SIM1: variants seen among roughly 807,000 people sequenced by gnomAD.
The protein encoded by SIM1 is SIM bHLH transcription factor 1, also known as single-minded homolog 1.
SIM1 carries 18 observed loss-of-function variants against 78.2 expected under a neutral mutation model. The ratio of observed to expected loss-of-function variants is 0.23; its 90% CI spans 0.16 to 0.34. The LOEUF (loss-of-function observed/expected upper bound fraction) is 0.34, where lower values mean the gene tolerates loss of function less well. Ranked by LOEUF, SIM1 falls within the 10% of genes least tolerant of loss-of-function variation. SIM1 has a pLI of 1.00. For synonymous variants in SIM1, 417 were observed against 385.2 expected, an observed-to-expected ratio of 1.08 and a Z score of -0.97; for missense variants, 939 against 975.1, an observed-to-expected ratio of 0.96 and a Z score of 0.49.
intron 10 of SIM1, among the ~76,000 whole-genome samples, chr6:100,404,328 T>C (rs1399265172): frequency 6.6e-6 from 1 of 152,246 alleles, no homozygotes; most frequent in African/African-American, 2.4e-5. Context: ...TATCTATTTT[T>C]ATTCTGGCAG....
intron 10 of SIM1, among the ~76,000 whole-genome samples, chr6:100,412,729 A>AAGAAAG (rs1562240119): frequency 7.1e-6 from 1 of 141,038 alleles, no homozygotes; most frequent in African/African-American, 2.8e-5. Flanking sequence ...GAAAGAAAGA[A>AAGAAAG]AGAAAGAAAG....
chr6:100,458,112 A>G (rs2114554938), intron 2 of SIM1, among the ~76,000 whole-genome samples: 1 of 149,378 alleles, frequency 6.7e-6, no homozygotes, highest in Admixed American at 6.7e-5. Flanking sequence ...GGCTTCCCGT[A>G]GGGATAGAGC....
chr6:100,422,110 TA>T (rs1413395462), intron 9 of SIM1, among the ~76,000 whole-genome samples: 1 of 152,222 alleles, frequency 6.6e-6, no homozygotes, highest in Admixed American at 6.5e-5. Context: ...TTATTTTTCT[TA>T]TTTTTCACTT....
intron 10 of SIM1, among the ~76,000 whole-genome samples, chr6:100,418,967 G>A (rs1200280493): frequency 6.6e-6 from 1 of 152,124 alleles, no homozygotes; most frequent in Non-Finnish European, 1.5e-5. Flanking sequence ...GGGAGTTCAA[G>A]ACCAGCCTGG....
At chr6:100,412,681 G>GAAA (rs1160981902) in intron 10 of SIM1, among the ~76,000 whole-genome samples, 2 of 72,320 alleles carry the variant, frequency 2.8e-5, no homozygotes, top group African/African-American at 5.3e-5. Context: ...GAGAAAGAAA[G>GAAA]AAAAAGAAAG....
chr6:100,391,156 C>A (rs1770629308), intron 11 of SIM1, 65 bp from the exon 12 acceptor site: 1 of 1,473,924 alleles, frequency 6.8e-7, no homozygotes, highest in African/African-American at 1.4e-5. Flanking sequence ...AGTATATTTC[C>A]TTTACCTATT....
intron 9 of SIM1, among the ~76,000 whole-genome samples, chr6:100,422,580 C>T (rs1249038432): frequency 6.6e-6 from 1 of 152,136 alleles, no homozygotes; most frequent in Non-Finnish European, 1.5e-5. Context: ...ATTCATTTAT[C>T]TTCTTTTCTT....
chr6:100,386,610 C>T lies in SIM1; in HGVS notation c.*3751G>A, dbSNP rs1289177826. On this transcript the variant is annotated 3_prime_UTR_variant, in exon 12 of 12. Transcript: ENST00000369208. The stretch of plus-strand genomic sequence containing the variant: ...GAAATAAAAATTGGAGCACACTACC[C>T]TTTTCTAGAAGATCCCCTAAAGCTT... The T allele has an allele frequency of 6.6e-6, 1 of 151,982 alleles. No homozygotes were observed. The highest frequency in any genetic ancestry group is 6.6e-5 in the Admixed American group (1 of 15,232). The allele number at this position is 151,982 out of a possible 1,614,324, so 9.4% of individuals were successfully genotyped here.
intron 10 of SIM1, among the ~76,000 whole-genome samples, chr6:100,416,708 G>A (rs1482298545): frequency 1.3e-5 from 2 of 152,118 alleles, no homozygotes; most frequent in Admixed American, 6.5e-5. Flanking sequence ...TGATATGTGT[G>A]TCAATAACTA....
At chr6:100,418,769 T>A (rs57185278) in intron 10 of SIM1, among the ~76,000 whole-genome samples, 1,849 of 152,298 alleles carry the variant, frequency 0.012, 31 homozygotes, top group African/African-American at 0.041. Context: ...GAACTACCCA[T>A]AGCCATAATC....
chr6:100,441,716 T>A (rs1269215583), intron 9 of SIM1, among the ~76,000 whole-genome samples: 1 of 152,140 alleles, frequency 6.6e-6, no homozygotes, highest in Non-Finnish European at 1.5e-5. Context: ...GGGGAAAAAA[T>A]GAGACATTCT....
intron 2 of SIM1, among the ~76,000 whole-genome samples, chr6:100,454,388 C>G (rs569299143): frequency 6.6e-6 from 1 of 152,126 alleles, no homozygotes; most frequent in Non-Finnish European, 1.5e-5. Flanking sequence ...TAATCGCCTT[C>G]GGAAAAATTA....
At chr6:100,423,366 C>T (rs1428709416) in intron 9 of SIM1, among the ~76,000 whole-genome samples, 2 of 152,166 alleles carry the variant, frequency 1.3e-5, no homozygotes, top group African/African-American at 4.8e-5. Flanking sequence ...TACATATTTA[C>T]TGAGTGTCTC....
chr6:100,411,438 A>G (rs551021739), intron 10 of SIM1, among the ~76,000 whole-genome samples: 1 of 152,274 alleles, frequency 6.6e-6, no homozygotes, highest in South Asian at 2.1e-4. Context: ...CTCAGCACTC[A>G]GGTGTTTGAT....
At chr6:100,414,620 T>C (rs1271136988) in intron 10 of SIM1, among the ~76,000 whole-genome samples, 2 of 152,220 alleles carry the variant, frequency 1.3e-5, no homozygotes, top group Non-Finnish European at 2.9e-5. Context: ...CCTAAATTTT[T>C]CTGGCAAAAT....
chr6:100,422,734 T>C (rs1771627315), intron 9 of SIM1, among the ~76,000 whole-genome samples: 1 of 152,224 alleles, frequency 6.6e-6, no homozygotes, highest in African/African-American at 2.4e-5. Context: ...TATGAGGTAA[T>C]GCACATGTTA....
At chr6:100,431,800 T>C (rs1315752099) in intron 9 of SIM1, among the ~76,000 whole-genome samples, 4 of 152,180 alleles carry the variant, frequency 2.6e-5, no homozygotes, top group African/African-American at 7.2e-5. Context: ...AGTGGTCCAA[T>C]AGCTGATGCT....
chr6:100,443,799 A>C (rs1187885043), intron 9 of SIM1, among the ~76,000 whole-genome samples: 1 of 152,180 alleles, frequency 6.6e-6, no homozygotes, highest in African/African-American at 2.4e-5. Context: ...GCAGGAAAAA[A>C]AATACACATT....
At chr6:100,392,214 C>A (rs1341146462) in intron 11 of SIM1, among the ~76,000 whole-genome samples, 1 of 152,114 alleles carries the variant, frequency 6.6e-6, no homozygotes, top group Non-Finnish European at 1.5e-5. Context: ...ATTTTAATAA[C>A]AACCTGTTTG....
Sources: gnomAD v4.1 joint callset for allele counts (sites outside exome capture counted in the v4.1 genomes callset) on GRCh38, gnomAD v4.1.1 for gene constraint, MANE v1.5 for transcripts, NCBI Gene and HGNC (gene_info 2026-07-23, HGNC 2026-07-21) for gene names.